Variants in WDR86 observed in about 807,000 individuals in gnomAD.
WDR86 encodes WD repeat domain 86.
WDR86 carries 30 observed loss-of-function variants against 36.5 expected under a neutral mutation model. The observed-to-expected ratio is 0.82, with a 90% CI of 0.61 to 1.11. The LOEUF (loss-of-function observed/expected upper bound fraction) is 1.11, where lower values mean the gene tolerates loss of function less well. WDR86 is among the 50% of genes most tolerant of loss of function. The probability of loss-of-function intolerance (pLI) is 0.00; values close to 1 mark genes in which losing one functional copy is unlikely to be tolerated. For missense variants in WDR86, 545 were observed against 561.2 expected (o/e 0.97, Z 0.29); for synonymous variants, 255 against 252.9 (o/e 1.01, Z -0.08).
At chr7:151,395,647 G>A in intron 3 of WDR86, 129 bp downstream of exon 3, 4 of 1,165,680 alleles carry the variant, frequency 3.4e-6, no homozygotes, top group East Asian at 2.6e-5. Flanking sequence ...AGGCCTCCGT[G>A]GCGCTTGCCA....
chr7:151,374,044 G>C, downstream of WDR86: 4 of 1,502,808 alleles, frequency 2.7e-6, no homozygotes, highest in Non-Finnish European at 1.8e-6. Flanking sequence ...AGACTGAGAG[G>C]CTGTGAAATC....
At chr7:151,396,678 G>A (rs1412438368) in intron 2 of WDR86, among the ~76,000 whole-genome samples, 1 of 22,302 alleles carries the variant, frequency 4.5e-5, no homozygotes, top group Non-Finnish European at 8.0e-5. Context: ...GAACAGGGCC[G>A]GCTCAAGTGG....
Position 151,400,146 on chromosome 7 carries a change from C to T in WDR86, c.259G>A (p.Gly87Arg), listed in dbSNP as rs376051493. ...CTIRRWDVLT[G>R]QCLQVYRGHT... ...CCTCGGTACACCTGCAGACACTGCC[C>T]GGTCAGCACGTCCCACCTCCTGATG... The change falls in exon 2 of 6, where the codon GGG becomes AGG. Residue 87 changes from glycine (G) to arginine (R), a missense_variant. Transcript: ENST00000334493. The T allele has an allele frequency of 2.6e-5, 42 of 1,611,954 alleles. No homozygotes were observed. The highest frequency in any genetic ancestry group is 3.3e-5 in the Non-Finnish European group (39 of 1,179,120).
In WDR86 at chr7:151,381,447, G is replaced by C; in HGVS notation, c.*135C>G. ...CAAAGAAAAACCAGACGCCTGCGAC[G>C]GGCTCTCCTCCCGCCCGGGCTTCCT... On this transcript the variant is annotated 3_prime_UTR_variant, in exon 6 of 6. Transcript: ENST00000334493. This position sits in a 1 kb window ranked among gnomAD's most constrained non-coding sequence, Gnocchi z 4.8. The C allele has an allele frequency of 6.7e-7, 1 of 1,491,894 alleles. No individual in the cohort carries two copies. The highest frequency in any genetic ancestry group is 1.3e-5 in the South Asian group (1 of 79,714). The allele number at this position is 1,491,894 out of a possible 1,614,324, so 92.4% of individuals were successfully genotyped here.
At chr7:151,370,443 G>A in the WDR86 span, among the ~76,000 whole-genome samples, 3 of 152,166 alleles carry the variant, frequency 2.0e-5, no homozygotes, top group Non-Finnish European at 4.4e-5. Context: ...AGTACTAACA[G>A]AAAAATGAAC....
At chr7:151,374,361 G>T, downstream of WDR86, 1 of 1,280,874 alleles carries the variant, frequency 7.8e-7, no homozygotes, top group East Asian at 2.5e-5. Flanking sequence ...CCCGTCATCC[G>T]GATCTGAAGG....
In WDR86 at chr7:151,381,722, C is replaced by T; in HGVS notation, c.991G>A (p.Ala331Thr). 1 of 1,501,638 alleles carries T rather than the reference C, an allele frequency of 6.7e-7. No homozygotes were observed. The highest frequency in any genetic ancestry group is 8.9e-7 in the Non-Finnish European group (1 of 1,129,568). 93.0% of individuals were successfully genotyped at this position (1,501,638 alleles called of 1,614,324 possible). The change falls in exon 6 of 6, where the codon GCC becomes ACC. Residue 331 changes from alanine to threonine, a missense_variant. Transcript: ENST00000334493. The surrounding 1 kb of genome is among the most constrained non-coding windows in gnomAD (Gnocchi z 4.8). ...AGGCGCAGGGCGCCGTCGTGCGAGG[C>T]GGTGTAGAGCACCTGGCCGTGCACC... Reference protein sequence around the residue: ...IQVHGQVLYTASHDGALRLWD... With the variant: ...IQVHGQVLYTTSHDGALRLWD...
chr7:151,385,362 G>A, intron 3 of WDR86, 139 bp from the exon 4 acceptor site: 1 of 1,429,506 alleles, frequency 7.0e-7, no homozygotes, highest in Non-Finnish European at 9.3e-7. Context: ...CCCGCCACCG[G>A]CCCCACCAGA....
At chr7:151,400,883 G>T (rs1800235578) in intron 1 of WDR86, among the ~76,000 whole-genome samples, 1 of 152,226 alleles carries the variant, frequency 6.6e-6, no homozygotes, top group African/African-American at 2.4e-5. Flanking sequence ...CTTCAGTAGG[G>T]ACTTTCCCCT....
chr7:151,369,101 G>A, the WDR86 span: 20 of 401,254 alleles, frequency 5.0e-5, no homozygotes, highest in South Asian at 2.9e-4. Context: ...TCCGCCTCCC[G>A]GGTTCAAGCA....
intron 2 of WDR86, among the ~76,000 whole-genome samples, chr7:151,398,709 G>C (rs1800073161): frequency 2.6e-5 from 4 of 152,132 alleles, no homozygotes; most frequent in Non-Finnish European, 5.9e-5. Flanking sequence ...TTGTGTGTGT[G>C]CGCACATGTG....
intron 3 of WDR86, among the ~76,000 whole-genome samples, chr7:151,391,031 T>C (rs1799396338): frequency 6.6e-6 from 1 of 152,230 alleles, no homozygotes; most frequent in African/African-American, 2.4e-5. Flanking sequence ...AAGGGAGGCC[T>C]CAGCTGATCC....
chr7:151,381,735 C>G lies in WDR86; in HGVS notation c.978G>C (p.Gln326His). Residue 326 changes from glutamine to histidine, a missense_variant, in exon 6 of 6, where the codon CAG becomes CAC. Transcript: ENST00000334493. The surrounding 1 kb of genome is among the most constrained non-coding windows in gnomAD (Gnocchi z 4.8). ...CGTCGTGCGAGGCGGTGTAGAGCAC[C>G]TGGCCGTGCACCTGCGGGCGCAGGG... Reference protein sequence around the residue: ...FIINCIQVHGQVLYTASHDGA... With the variant: ...FIINCIQVHGHVLYTASHDGA... The G allele has an allele frequency of 2.0e-6, 3 of 1,514,704 alleles. No homozygotes were observed. The highest frequency in any genetic ancestry group is 2.6e-6 in the Non-Finnish European group (3 of 1,133,062). The allele number at this position is 1,514,704 out of a possible 1,614,324, so 93.8% of individuals were successfully genotyped here. A position where few individuals can be genotyped will look rare whatever the true frequency, so the allele number is the denominator to read the frequency against.
At chr7:151,400,848 G>C (rs1800232952) in intron 1 of WDR86, among the ~76,000 whole-genome samples, 1 of 152,224 alleles carries the variant, frequency 6.6e-6, no homozygotes, top group Admixed American at 6.5e-5. Flanking sequence ...TCGCACTGCA[G>C]GCAAGCTCAT....
downstream of WDR86, among the ~76,000 whole-genome samples, chr7:151,375,412 G>A (rs1798170163): frequency 6.6e-6 from 1 of 152,062 alleles, no homozygotes; most frequent in African/African-American, 2.4e-5. Context: ...TCTCCACAGG[G>A]TCTTTGAAGA....
chr7:151,371,824 A>T (rs979939518), downstream of WDR86, among the ~76,000 whole-genome samples: 1 of 152,062 alleles, frequency 6.6e-6, no homozygotes, highest in African/African-American at 2.4e-5. Flanking sequence ...GCTCACTGCA[A>T]CCTTGATCTC....
At chr7:151,372,076 A>G (rs1797984912), downstream of WDR86, among the ~76,000 whole-genome samples, 1 of 152,218 alleles carries the variant, frequency 6.6e-6, no homozygotes, top group Non-Finnish European at 1.5e-5. Context: ...CCAGTTTCTC[A>G]TCTGAGAAAA....
chr7:151,391,210 C>T (rs950084851), intron 3 of WDR86, among the ~76,000 whole-genome samples: 43 of 152,342 alleles, frequency 2.8e-4, no homozygotes, highest in Admixed American at 1.2e-3. Context: ...TAGCCACCTG[C>T]GGGGGCGGGG....
intron 1 of WDR86, among the ~76,000 whole-genome samples, chr7:151,402,070 A>ATAT (rs1554425363): frequency 4.0e-5 from 2 of 50,534 alleles, no homozygotes; most frequent in Non-Finnish European, 6.7e-5. Flanking sequence ...AAAAAAAAAA[A>ATAT]ATATATATAT....
Sources: allele counts gnomAD v4.1 joint callset (sites outside exome capture counted in the v4.1 genomes callset), GRCh38; gene constraint gnomAD v4.1.1; non-coding constraint Gnocchi (gnomAD v3.1); transcripts MANE v1.5; gene names NCBI Gene and HGNC (gene_info 2026-07-23, HGNC 2026-07-21).